CNTNAP2: variants seen among roughly 807,000 people sequenced by gnomAD.
CNTNAP2 encodes the protein contactin associated protein 2.
CNTNAP2 carries 98 observed loss-of-function variants against 155.2 expected under a neutral mutation model. The ratio of observed to expected loss-of-function variants is 0.63; its 90% CI spans 0.54 to 0.75. The LOEUF (loss-of-function observed/expected upper bound fraction) is 0.75, where lower values mean the gene tolerates loss of function less well. Ranked by LOEUF, CNTNAP2 falls within the 30% of genes least tolerant of loss-of-function variation. The probability of loss-of-function intolerance (pLI) is 0.00; values close to 1 mark genes in which losing one functional copy is unlikely to be tolerated. For synonymous variants in CNTNAP2, 651 were observed against 631.2 expected (o/e 1.03, Z -0.47); for missense variants, 1,727 against 1,688.1 (o/e 1.02, Z -0.40).
rs1798074596 is a variant in CNTNAP2, at chr7:146,549,004, A to G, written c.98-225267A>G. ...TTCTAGTTTCAGGTCTTAATTTGGG[A>G]CTTTAATTCATTTTGAATTGATTTT... On this transcript the variant is annotated intron_variant, in intron 1 of 23. Coordinates refer to ENST00000361727, the MANE Select transcript of CNTNAP2 (RefSeq NM_014141.6). Among the ~76,000 whole-genome samples the G allele has an allele frequency of 2.7e-5, 4 of 150,598 alleles. No individual in the cohort carries two copies. The South Asian group carries it at 6.3e-4, about 24-fold the overall frequency.
intron 13 of CNTNAP2, among the ~76,000 whole-genome samples, chr7:147,685,756 A>G (rs1305284860): frequency 6.6e-6 from 1 of 152,042 alleles, no homozygotes; most frequent in East Asian, 1.9e-4. Context: ...TAAAGCAAGA[A>G]AAAGGAATAG....
intron 1 of CNTNAP2, among the ~76,000 whole-genome samples, chr7:146,384,841 A>G (rs1795438136): frequency 6.6e-6 from 1 of 152,122 alleles, no homozygotes. Context: ...CGATGTAATT[A>G]TTACTTCCCC....
At position 148,177,895 on chromosome 7, in the gene CNTNAP2, GT is replaced by G. The variant is rs71527883; in HGVS notation, c.3010+5430del. ...AGGATACAAGAATTGAACAGACACTGTTTTTTTTTTTTTGCTACATCTAGGT... is the reference window on the plus strand; with the variant it reads ...AGGATACAAGAATTGAACAGACACTGTTTTTTTTTTTTGCTACATCTAGGT... On this transcript the variant is annotated intron_variant, in intron 18 of 23. Coordinates refer to ENST00000361727, the MANE Select transcript of CNTNAP2 (RefSeq NM_014141.6). Among the ~76,000 whole-genome samples, 230 of 146,738 alleles carry G rather than the reference GT, an allele frequency of 1.6e-3. 2 individuals carry two copies. Among genetic ancestry groups the G allele is most frequent in the Middle Eastern group, 3.5e-3 (1 of 284 alleles).
At chr7:146,716,974 A>G (rs535887895) in intron 1 of CNTNAP2, among the ~76,000 whole-genome samples, 10 of 152,312 alleles carry the variant, frequency 6.6e-5, no homozygotes, top group Admixed American at 3.9e-4. Flanking sequence ...TCAAGAAGAC[A>G]GACTCTCATT....
intron 13 of CNTNAP2, among the ~76,000 whole-genome samples, chr7:147,701,720 G>T (rs919287775): frequency 6.6e-6 from 1 of 152,120 alleles, no homozygotes; most frequent in African/African-American, 2.4e-5. Flanking sequence ...GGAGTTGTAA[G>T]TTCTCCCAAC....
intron 1 of CNTNAP2, among the ~76,000 whole-genome samples, chr7:146,619,941 G>A (rs117386934): frequency 6.6e-6 from 1 of 152,114 alleles, no homozygotes; most frequent in African/African-American, 2.4e-5. Flanking sequence ...TGTTAAAGAT[G>A]TATAAAAATA....
chr7:148,257,433 G>A (rs760950615), intron 20 of CNTNAP2, among the ~76,000 whole-genome samples: 12 of 152,178 alleles, frequency 7.9e-5, no homozygotes, highest in Non-Finnish European at 1.6e-4. Context: ...TTCTTCTTGA[G>A]TATCTCTATA....
At chr7:146,973,006 A>G (rs1313548136) in intron 3 of CNTNAP2, among the ~76,000 whole-genome samples, 1 of 152,182 alleles carries the variant, frequency 6.6e-6, no homozygotes, top group African/African-American at 2.4e-5. Flanking sequence ...TCAGTTTCTC[A>G]GTCACACTGG....
chr7:146,454,651 A>G (rs2129123084), intron 1 of CNTNAP2, among the ~76,000 whole-genome samples: 1 of 152,056 alleles, frequency 6.6e-6, no homozygotes, highest in Admixed American at 6.6e-5. Flanking sequence ...TGAATACTGT[A>G]TGAAGTATTA....
At chr7:148,383,613 A>T in intron 21 of CNTNAP2, 36 bp from the exon 22 acceptor site, 1 of 1,614,186 alleles carries the variant, frequency 6.2e-7, no homozygotes, top group Non-Finnish European at 8.5e-7. Flanking sequence ...GACTATGGTG[A>T]GTCAAGTAAC....
chr7:147,644,449 C>T (rs1431990711), intron 13 of CNTNAP2, among the ~76,000 whole-genome samples: 1 of 152,062 alleles, frequency 6.6e-6, no homozygotes, highest in Non-Finnish European at 1.5e-5. Flanking sequence ...GGTGAAAACC[C>T]GTCTCTACTA....
chr7:146,565,679 C>G (rs767271631), intron 1 of CNTNAP2, among the ~76,000 whole-genome samples: 1 of 152,170 alleles, frequency 6.6e-6, no homozygotes, highest in South Asian at 2.1e-4. Flanking sequence ...AACATCCCTT[C>G]GAAATGTAGG....
At chr7:146,901,279 T>A (rs1014758496) in intron 3 of CNTNAP2, among the ~76,000 whole-genome samples, 5 of 152,162 alleles carry the variant, frequency 3.3e-5, no homozygotes, top group Non-Finnish European at 5.9e-5. Flanking sequence ...TAATGCCCAA[T>A]GAAGTTTTAC....
chr7:147,780,097 T>A (rs549433413), intron 13 of CNTNAP2, among the ~76,000 whole-genome samples: 1 of 152,360 alleles, frequency 6.6e-6, no homozygotes, highest in East Asian at 1.9e-4. Context: ...ATCAAATATT[T>A]GTAAATGAAA....
chr7:146,384,799 C>G (rs1273695610), intron 1 of CNTNAP2, among the ~76,000 whole-genome samples: 2 of 152,072 alleles, frequency 1.3e-5, no homozygotes, highest in Non-Finnish European at 2.9e-5. Flanking sequence ...TCTGAAAGGC[C>G]TTTTGACTCC....
At position 146,791,389 on chromosome 7, in the gene CNTNAP2, C is replaced by T. The variant is rs148676234; in HGVS notation, c.208+17008C>T. On this transcript the variant is annotated intron_variant, in intron 2 of 23. Transcript: ENST00000361727. ...AAGTCCTTGCTATTGTGAACAGTGC[C>T]GCAATAAACATACATGTGCATGTGT... Among the ~76,000 whole-genome samples, 255 of 152,146 alleles carry T rather than the reference C, an allele frequency of 1.7e-3. 1 individual carries two copies. The highest frequency in any genetic ancestry group is 6.0e-3 in the African/African-American group (248 of 41,476).
In CNTNAP2 at chr7:146,389,223, TCACACACACACA is replaced by T. The variant is rs3050929; in HGVS notation, c.97+272271_97+272282del. Among the ~76,000 whole-genome samples, 514 of 133,296 alleles carry T rather than the reference TCACACACACACA, an allele frequency of 3.9e-3. 2 individuals carry two copies. Among genetic ancestry groups the T allele is most frequent in the Non-Finnish European group, 5.6e-3 (342 of 61,398 alleles). The allele number at this position is 133,296 out of a possible 152,430, so 87.4% of individuals were successfully genotyped here. The stretch of plus-strand genomic sequence containing the variant: ...TTATGGAGCAAATTGTAGGAAATAG[TCACACACACACA>T]CACACACACACACACACACAATTTT... On this transcript the variant is annotated intron_variant, in intron 1 of 23. Coordinates refer to ENST00000361727, the MANE Select transcript of CNTNAP2 (RefSeq NM_014141.6).
chr7:146,369,075 CTTCA>C (rs1220878229), intron 1 of CNTNAP2, among the ~76,000 whole-genome samples: 2 of 145,796 alleles, frequency 1.4e-5, no homozygotes, highest in Admixed American at 6.9e-5. Flanking sequence ...ACTCATAACT[CTTCA>C]TTCATTTTTG....
At chr7:147,871,839 C>A (rs1319014812) in intron 13 of CNTNAP2, among the ~76,000 whole-genome samples, 2 of 152,188 alleles carry the variant, frequency 1.3e-5, no homozygotes, top group Non-Finnish European at 2.9e-5. Context: ...GCTCCTCTCA[C>A]ATCTGCTTCA....
Sources: gnomAD v4.1 joint callset for allele counts (sites outside exome capture counted in the v4.1 genomes callset) on GRCh38, gnomAD v4.1.1 for gene constraint, MANE v1.5 for transcripts, NCBI Gene and HGNC (gene_info 2026-07-23, HGNC 2026-07-21) for gene names.